The following SLC39A5 variants were observed in gnomAD, a reference collection of about 807,000 sequenced individuals.
SLC39A5 encodes zinc transporter ZIP5.
In SLC39A5, 42 loss-of-function variants were observed where a neutral mutation model predicts 46.9. That is an observed-to-expected ratio of 0.90 (90% confidence interval 0.70 to 1.16). SLC39A5 has a LOEUF of 1.16. Ranked by LOEUF, SLC39A5 falls within the 50% of genes most tolerant of loss-of-function variation. SLC39A5 has a pLI of 0.00. For missense variants in SLC39A5, 677 were observed against 686.8 expected, an observed-to-expected ratio of 0.99 and a Z score of 0.16; for synonymous variants, 311 against 323.1, an observed-to-expected ratio of 0.96 and a Z score of 0.40.
Position 56,234,971 on chromosome 12 carries a change from G to C in SLC39A5, c.619G>C (p.Gly207Arg). 1.2e-6 allele frequency: 2 copies of C among 1,613,346 alleles called. No homozygotes were observed. The highest frequency in any genetic ancestry group is 1.7e-6 in the Non-Finnish European group (2 of 1,180,010). Residue 207 changes from glycine (G) to arginine (R), a missense_variant, in exon 6 of 13, where the codon GGG (glycine) becomes CGG (arginine). Transcript: ENST00000454355. ...CIGAPAPAPPGDLLSALLQSA... is the reference protein window; with the variant it reads ...CIGAPAPAPPRDLLSALLQSA... ...CGGCGCTCCGGCCCCTGCACCCCCA[G>C]GGGATCTACTATCTGGTCAGCAAGT...
rs772488942 is a variant in SLC39A5 at position 56,235,152 on chromosome 12, C to G, written c.635-5C>G. The G allele has an allele frequency of 8.8e-5, 136 of 1,548,240 alleles. No homozygotes were observed. In the South Asian group the frequency reaches 1.3e-3, roughly 15 times the overall value. On this transcript the variant is annotated splice_polypyrimidine_tract_variant and splice_region_variant and intron_variant, in intron 6 of 12. Coordinates refer to ENST00000454355, the MANE Select transcript of SLC39A5 (RefSeq NM_173596.3). Reference sequence around the variant, plus strand: ...GACCTAACTTCAGCCCCTGATTCTCCCCAGCCCTGCTTCAGAGTGCCCTGG... The same window carrying G: ...GACCTAACTTCAGCCCCTGATTCTCGCCAGCCCTGCTTCAGAGTGCCCTGG...
chr12:56,235,248 A>T lies in SLC39A5; in HGVS notation c.726A>T (p.Leu242=). The change falls in exon 7 of 13, where the codon CTA becomes CTT. Residue 242 remains leucine, a synonymous_variant. Coordinates refer to ENST00000454355, the MANE Select transcript of SLC39A5 (RefSeq NM_173596.3). ...TGCGGCTCCTGGGACCTCGTCTACTACGGCCCTTGCTGGGCTTCCTGGGGG... is the reference window on the plus strand; with the variant it reads ...TGCGGCTCCTGGGACCTCGTCTACTTCGGCCCTTGCTGGGCTTCCTGGGGG... ...LLLRLLGPRL[L]RPLLGFLGAL... is the part of the protein sequence containing the mutation. 1 of 1,581,622 alleles carries T rather than the reference A, an allele frequency of 6.3e-7. No homozygotes were observed. Among genetic ancestry groups the T allele is most frequent in the Non-Finnish European group, 8.6e-7 (1 of 1,166,328 alleles).
intron 5 of SLC39A5, among the ~76,000 whole-genome samples, chr12:56,233,208 A>T (rs914311212): frequency 5.3e-4 from 71 of 134,304 alleles, no homozygotes; most frequent in East Asian, 2.5e-4. Flanking sequence ...GGTTGCAGTG[A>T]GCCAAGATGG....
In SLC39A5 at chr12:56,237,343, G is replaced by A. The variant is rs578087997; in HGVS notation, c.1479+3G>A. On this transcript the variant is annotated splice_donor_region_variant and intron_variant, in intron 12 of 12. Coordinates refer to ENST00000454355, the MANE Select transcript of SLC39A5 (RefSeq NM_173596.3). Reference sequence around the variant, plus strand: ...TCTATGTGGCCCTTGTGGACATGGTGAGAGATGTCGGGTAGAGCAGAGAAA... The same window carrying A: ...TCTATGTGGCCCTTGTGGACATGGTAAGAGATGTCGGGTAGAGCAGAGAAA... 2 of 1,582,058 alleles carry A rather than the reference G, an allele frequency of 1.3e-6. No homozygotes were observed. Among genetic ancestry groups the A allele is most frequent in the African/African-American group, 1.3e-5 (1 of 74,240 alleles).
intron 5 of SLC39A5, among the ~76,000 whole-genome samples, chr12:56,233,234 A>G (rs1483669503): frequency 7.9e-6 from 1 of 126,556 alleles, no homozygotes; most frequent in Non-Finnish European, 1.6e-5. Flanking sequence ...TTTGCACTCC[A>G]GCCTGGGCAA....
chr12:56,235,038 C>T (rs1186521099), intron 6 of SLC39A5, 52 bp downstream of exon 6: 19 of 1,604,034 alleles, frequency 1.2e-5, no homozygotes, highest in Non-Finnish European at 1.5e-5. Flanking sequence ...AAGTGGGGCC[C>T]ATGCCAAAAA....
At position 56,236,735 on chromosome 12, in the gene SLC39A5, G is replaced by A. The variant is rs1409961305; in HGVS notation, c.1196G>A (p.Gly399Glu). 1.2e-6 allele frequency: 2 copies of A among 1,601,990 alleles called. No homozygotes were observed. The highest frequency in any genetic ancestry group is 1.7e-5 in the Admixed American group (1 of 59,150). The change falls in exon 10 of 13, where the codon GGG becomes GAG. Residue 399 changes from glycine (G) to glutamate (E), a missense_variant. Gly to Glu is a moderately conservative substitution (Grantham distance 98, BLOSUM62 -2). Coordinates refer to ENST00000454355, the MANE Select transcript of SLC39A5 (RefSeq NM_173596.3). ...GATGGTCTACACAACCTCACTGATG[G>A]GCTGGCCATAGGTGTGAGGGGTGGG... ...LGDGLHNLTDGLAIGAAFSDG... is the reference protein window; with the variant it reads ...LGDGLHNLTDELAIGAAFSDG...
At chr12:56,237,104 G>A in intron 11 of SLC39A5, 46 bp from the exon 12 acceptor site, 1 of 1,612,788 alleles carries the variant, frequency 6.2e-7, no homozygotes, top group Non-Finnish European at 8.5e-7. Flanking sequence ...ATGGATGAGG[G>A]GCACCCCAGC....
In SLC39A5 at chr12:56,237,684, A is replaced by G. The variant is rs764347098; in HGVS notation, c.1576A>G (p.Ile526Val). Residue 526 changes from isoleucine to valine, a missense_variant, in exon 13 of 13, where the codon ATA becomes GTA. Ile to Val is a conservative substitution (Grantham distance 29). Transcript: ENST00000454355. Reference protein sequence around the residue: ...LLLGGGLMLAITLLEERLLPV... With the variant: ...LLLGGGLMLAVTLLEERLLPV... ...GCTGGGGGGCGGCCTCATGCTTGCC[A>G]TAACCCTGCTGGAGGAGCGGCTACT... 6.2e-7 allele frequency: 1 copy of G among 1,602,496 alleles called. No homozygotes were observed. The highest frequency in any genetic ancestry group is 1.7e-5 in the Admixed American group (1 of 57,834).
chr12:56,232,510 C>T (rs1242127596), intron 4 of SLC39A5, among the ~76,000 whole-genome samples, 179 bp from the exon 5 acceptor site: 6 of 152,112 alleles, frequency 3.9e-5, no homozygotes, highest in Admixed American at 6.5e-5. Context: ...CTGTCCCCCC[C>T]AGTGGCAGAA....
intron 7 of SLC39A5, 83 bp downstream of exon 7, chr12:56,235,409 A>T: frequency 6.7e-7 from 1 of 1,503,644 alleles, no homozygotes; most frequent in South Asian, 1.3e-5. Flanking sequence ...CCGCCTTTCC[A>T]TCAGCTCCCA....
Position 56,232,774 on chromosome 12 carries a change from G to A in SLC39A5, c.373G>A (p.Ala125Thr), listed in dbSNP as rs1463960249. ...GTGGGGTGACCTGGAAGAGTCAAAG[G>A]CCCCTCACCTACCCCGTGGGCCAGC... ...SGWGDLEESKAPHLPRGPAPS... is the reference protein window; with the variant it reads ...SGWGDLEESKTPHLPRGPAPS... The change falls in exon 5 of 13, where the codon GCC becomes ACC. Residue 125 changes from alanine to threonine, a missense_variant. By Grantham distance (58) the Ala-to-Thr change is moderately conservative. Transcript: ENST00000454355. 6 of 1,612,244 alleles carry A rather than the reference G, an allele frequency of 3.7e-6. No homozygotes were observed. The highest frequency in any genetic ancestry group is 2.5e-6 in the Non-Finnish European group (3 of 1,179,412).
rs1293978273 is a variant in SLC39A5, at chr12:56,233,602, G to A, written c.471+730G>A. Among the ~76,000 whole-genome samples the A allele has an allele frequency of 1.3e-5, 2 of 152,330 alleles. 1 individual carries two copies. Among genetic ancestry groups the A allele is most frequent in the Admixed American group, 1.3e-4 (2 of 15,294 alleles). ...CAAGACTCAGTTTAGGGGAATAGAT[G>A]GCAAAGCAGAGAATCTAGAGAAGCA... On this transcript the variant is annotated intron_variant, in intron 5 of 12. Transcript: ENST00000454355.
At chr12:56,230,939 G>A in intron 3 of SLC39A5, 66 bp downstream of exon 3, 1 of 270,418 alleles carries the variant, frequency 3.7e-6, no homozygotes, top group Non-Finnish European at 7.0e-6. Flanking sequence ...AAGAGGTGGG[G>A]CAAAGTTGAG....
intron 4 of SLC39A5, among the ~76,000 whole-genome samples, chr12:56,232,161 C>CTTT (rs767220492): frequency 7.4e-4 from 87 of 117,216 alleles, no homozygotes; most frequent in Non-Finnish European, 9.1e-4. Flanking sequence ...CTTTTCTTTT[C>CTTT]TTTTTTTTTT....
intron 6 of SLC39A5, 84 bp from the exon 7 acceptor site, chr12:56,235,073 T>C (rs1870600980): frequency 6.3e-7 from 1 of 1,584,806 alleles, no homozygotes; most frequent in African/African-American, 1.3e-5. Flanking sequence ...GTCCTGCCTC[T>C]CCTTGTAGTG....
chr12:56,235,220 T>C lies in SLC39A5; in HGVS notation c.698T>C (p.Leu233Pro). The C allele has an allele frequency of 6.3e-7, 1 of 1,584,402 alleles. No individual in the cohort carries two copies. The highest frequency in any genetic ancestry group is 2.2e-5 in the East Asian group (1 of 44,682). The change falls in exon 7 of 13, where the codon CTG (leucine) becomes CCG (proline). Residue 233 changes from leucine (L) to proline (P), a missense_variant. By Grantham distance (98) the Leu-to-Pro change is moderately conservative. Transcript: ENST00000454355. The part of the protein sequence containing the change: ...LSLPSPLSLL[L>P]LRLLGPRLLR... Reference sequence around the variant, plus strand: ...CTCCCTTCTCCCCTATCCCTGCTGCTGCTGCGGCTCCTGGGACCTCGTCTA... The same window carrying C: ...CTCCCTTCTCCCCTATCCCTGCTGCCGCTGCGGCTCCTGGGACCTCGTCTA...
intron 8 of SLC39A5, 144 bp downstream of exon 8, chr12:56,235,844 TC>T: frequency 9.4e-7 from 1 of 1,059,288 alleles, no homozygotes; most frequent in Non-Finnish European, 1.4e-6. Context: ...GGAGTTCGAG[TC>T]CAGCCTGACC....
chr12:56,237,469 C>T lies in SLC39A5; in HGVS notation c.1480-119C>T, dbSNP rs1870929437. The T allele has an allele frequency of 8.4e-6, 13 of 1,552,628 alleles. No homozygotes were observed. The South Asian group carries it at 1.6e-4, about 19-fold the overall frequency. The stretch of plus-strand genomic sequence containing the variant: ...CGTCAGACCATAGGCCCGCAAAAGT[C>T]TGAGAAACAAGGGACTAAGGTGTTT... On this transcript the variant is annotated intron_variant, in intron 12 of 12. Coordinates refer to ENST00000454355, the MANE Select transcript of SLC39A5 (RefSeq NM_173596.3).
Sources: allele counts gnomAD v4.1 joint callset (sites outside exome capture counted in the v4.1 genomes callset), GRCh38; gene constraint gnomAD v4.1.1; transcripts MANE v1.5; gene names NCBI Gene and HGNC (gene_info 2026-07-23, HGNC 2026-07-21).